SPTLC3: variants seen among roughly 807,000 people sequenced by gnomAD.
SPTLC3 encodes the protein serine palmitoyltransferase long chain base subunit 3.
Under a neutral mutation model 59.3 loss-of-function variants are expected in SPTLC3, and 36 were observed. That is an observed-to-expected ratio of 0.61 (90% confidence interval 0.47 to 0.80). SPTLC3 has a LOEUF of 0.80. Among genes scored for constraint, SPTLC3 ranks in the 30% least tolerant of loss-of-function variants. SPTLC3 has a pLI of 0.00. For missense variants in SPTLC3, 625 were observed against 685.1 expected (o/e 0.91, Z 0.98); for synonymous variants, 257 against 240.8 (o/e 1.07, Z -0.62).
At chr20:13,164,056 C>A (rs554094830) in intron 11 of SPTLC3, among the ~76,000 whole-genome samples, 6 of 152,014 alleles carry the variant, frequency 3.9e-5, no homozygotes, top group Non-Finnish European at 8.8e-5. Flanking sequence ...CCTCCCCACT[C>A]CCCCCATCCC....
intron 8 of SPTLC3, among the ~76,000 whole-genome samples, chr20:13,121,611 G>T (rs1410649251): frequency 1.3e-5 from 2 of 152,148 alleles, no homozygotes; most frequent in Non-Finnish European, 1.5e-5. Context: ...ACACGACCCA[G>T]ACTCGCCTTG....
chr20:13,155,634 G>C (rs570371926), intron 10 of SPTLC3, among the ~76,000 whole-genome samples: 15 of 152,192 alleles, frequency 9.9e-5, no homozygotes, highest in Non-Finnish European at 1.9e-4. Context: ...AAACCATCCT[G>C]GCCAACATGG....
chr20:13,091,714 CA>C (rs1989229331), intron 5 of SPTLC3, among the ~76,000 whole-genome samples: 1 of 152,122 alleles, frequency 6.6e-6, no homozygotes, highest in African/African-American at 2.4e-5. Context: ...TATATAATTG[CA>C]GCCCTAGACA....
At chr20:13,029,392 T>C (rs1297589092) in intron 1 of SPTLC3, among the ~76,000 whole-genome samples, 1 of 152,196 alleles carries the variant, frequency 6.6e-6, no homozygotes, top group Non-Finnish European at 1.5e-5. Flanking sequence ...ACCTATTCAC[T>C]TCTTTCGGCT....
chr20:13,027,870 C>T (rs985588644), intron 1 of SPTLC3, among the ~76,000 whole-genome samples: 1 of 152,138 alleles, frequency 6.6e-6, no homozygotes, highest in African/African-American at 2.4e-5. Context: ...TTCTACAAAT[C>T]TCTCTTAAAC....
intron 8 of SPTLC3, among the ~76,000 whole-genome samples, chr20:13,120,131 C>T (rs1326860497): frequency 6.6e-6 from 1 of 152,064 alleles, no homozygotes; most frequent in Non-Finnish European, 1.5e-5. Context: ...TCGGCAAATA[C>T]TAAAGATTTT....
chr20:13,134,028 G>A (rs1002164495), intron 9 of SPTLC3, among the ~76,000 whole-genome samples: 3 of 152,146 alleles, frequency 2.0e-5, no homozygotes, highest in African/African-American at 7.2e-5. Context: ...CGCTCAAACT[G>A]TGAACACACA....
intron 8 of SPTLC3, among the ~76,000 whole-genome samples, chr20:13,122,232 C>A (rs1265834291): frequency 1.3e-5 from 2 of 152,216 alleles, no homozygotes; most frequent in African/African-American, 2.4e-5. Context: ...TCCCTGCTCT[C>A]AAGGAAGTTT....
chr20:13,117,068 T>C (rs1990600904), intron 7 of SPTLC3, among the ~76,000 whole-genome samples: 1 of 152,214 alleles, frequency 6.6e-6, no homozygotes, highest in Non-Finnish European at 1.5e-5. Flanking sequence ...TTTTAATCTA[T>C]GGCAATTCAA....
chr20:13,133,377 T>G (rs1358095993), intron 9 of SPTLC3, among the ~76,000 whole-genome samples: 1 of 151,342 alleles, frequency 6.6e-6, no homozygotes, highest in African/African-American at 2.4e-5. Context: ...GACCCTGTAG[T>G]CACTCTTTCC....
intron 6 of SPTLC3, among the ~76,000 whole-genome samples, chr20:13,107,826 G>A (rs1399667170): frequency 1.4e-5 from 2 of 142,810 alleles, no homozygotes; most frequent in Non-Finnish European, 3.0e-5. Context: ...AGATATTATT[G>A]GTAGCATACA....
chr20:13,087,951 T>G lies in SPTLC3; in HGVS notation c.608-3132T>G, dbSNP rs543816611. Among the ~76,000 whole-genome samples the G allele has an allele frequency of 3.1e-4, 47 of 152,314 alleles. 1 individual carries two copies. The highest frequency in any genetic ancestry group is 7.8e-4 in the Admixed American group (12 of 15,298). ...GGTTTTATGTGGAGGAAATAGTACG[T>G]GCAACATCGGGAAAGCCTAAAATGG... On this transcript the variant is annotated intron_variant, in intron 4 of 11. Coordinates refer to ENST00000399002, the MANE Select transcript of SPTLC3 (RefSeq NM_018327.4).
At chr20:13,017,733 T>C (rs1255132975) in intron 1 of SPTLC3, among the ~76,000 whole-genome samples, 1 of 152,210 alleles carries the variant, frequency 6.6e-6, no homozygotes, top group Non-Finnish European at 1.5e-5. Context: ...TGGACACTCC[T>C]GCAGCAGATG....
intron 1 of SPTLC3, among the ~76,000 whole-genome samples, chr20:13,044,326 T>C (rs1181816897): frequency 6.6e-6 from 1 of 152,148 alleles, no homozygotes; most frequent in Non-Finnish European, 1.5e-5. Context: ...GGTCTTGAAC[T>C]CCTGACCTCA....
chr20:13,080,236 G>T (rs1399899899), intron 4 of SPTLC3, among the ~76,000 whole-genome samples: 1 of 152,094 alleles, frequency 6.6e-6, no homozygotes, highest in South Asian at 2.1e-4. Context: ...TTGGCCAGGT[G>T]CGGTGACTCA....
intron 10 of SPTLC3, among the ~76,000 whole-genome samples, chr20:13,157,309 C>T (rs1167032990): frequency 6.6e-6 from 1 of 151,370 alleles, no homozygotes; most frequent in Non-Finnish European, 1.5e-5. Context: ...TGGTGGCAGG[C>T]ACCTGTACTC....
At chr20:13,085,921 CT>C (rs1455084366) in intron 4 of SPTLC3, among the ~76,000 whole-genome samples, 24 of 151,998 alleles carry the variant, frequency 1.6e-4, no homozygotes, top group Non-Finnish European at 1.6e-4. Context: ...GAGCATAACA[CT>C]GAATAAATGG....
At chr20:13,133,420 T>C (rs1702210200) in intron 9 of SPTLC3, among the ~76,000 whole-genome samples, 1 of 152,198 alleles carries the variant, frequency 6.6e-6, no homozygotes, top group Non-Finnish European at 1.5e-5. Flanking sequence ...TGTGGATTTC[T>C]TGTAGATAGA....
intron 6 of SPTLC3, among the ~76,000 whole-genome samples, chr20:13,094,393 GCACACACATGCACT>G (rs1568598912): frequency 1.3e-5 from 2 of 151,856 alleles, no homozygotes; most frequent in East Asian, 1.9e-4. Context: ...GTACATGCAT[GCACACACATGCACT>G]CACACACATG....
Sources: allele counts gnomAD v4.1 joint callset (sites outside exome capture counted in the v4.1 genomes callset), GRCh38; gene constraint gnomAD v4.1.1; transcripts MANE v1.5; gene names NCBI Gene and HGNC (gene_info 2026-07-23, HGNC 2026-07-21).